The following RIF1 variants were observed in gnomAD, a reference collection of about 807,000 sequenced individuals.
RIF1 encodes telomere-associated protein RIF1.
Under a neutral mutation model 247.1 loss-of-function variants are expected in RIF1, and 45 were observed. That is an observed-to-expected ratio of 0.18 (90% CI 0.14 to 0.23). The LOEUF (loss-of-function observed/expected upper bound fraction) is 0.23. RIF1 is among the 10% of genes least tolerant of loss of function. RIF1 has a pLI of 1.00. For synonymous variants in RIF1, 1,087 were observed against 978.8 expected (o/e 1.11, Z -2.06); for missense variants, 2,967 against 2,862.5 (o/e 1.04, Z -0.83).
chr2:151,497,766 A>C, intron 10 of RIF1: 1 of 1,549,830 alleles, frequency 6.5e-7, no homozygotes, highest in Non-Finnish European at 8.7e-7. Flanking sequence ...GTAACATTTC[A>C]TTTCTTGGGA....
the RIF1 span, among the ~76,000 whole-genome samples, chr2:151,517,137 G>C: frequency 6.6e-6 from 1 of 152,132 alleles, no homozygotes; most frequent in South Asian, 2.1e-4. Flanking sequence ...CATATTGACT[G>C]ACTTGTTAAA....
rs771005255 is a variant in RIF1, at chr2:151,464,898, GTGTGAATTTTCA to G, written c.5380_5391del (p.Val1794_His1797del). Reference sequence around the variant, plus strand: ...GGACAATTTTTAGATGAACATCATAGTGTGAATTTTCATTTGGGTCTCAAAGAGGATAATGAT... The same window carrying G: ...GGACAATTTTTAGATGAACATCATAGTTTGGGTCTCAAAGAGGATAATGAT... On this transcript the variant is annotated inframe_deletion, in exon 30 of 36. Coordinates refer to ENST00000444746, the MANE Select transcript of RIF1 (RefSeq NM_018151.5). 10 of 1,583,030 alleles carry G rather than the reference GTGTGAATTTTCA, an allele frequency of 6.3e-6. No individual in the cohort carries two copies. The highest frequency in any genetic ancestry group is 8.5e-6 in the Non-Finnish European group (10 of 1,170,266).
chr2:151,446,111 A>G (rs150226444), intron 19 of RIF1, among the ~76,000 whole-genome samples: 4,538 of 151,932 alleles, frequency 0.03, 120 homozygotes, highest in East Asian at 0.14. Flanking sequence ...GGTTCAAGCA[A>G]TTCTCCTACC....
Position 151,478,034 on chromosome 2 carries a change from A to G in RIF1, c.*2963A>G, listed in dbSNP as rs1173436567. ...CATCATTTCCATATCTATGAAATCT[A>G]TTTTGGATTTTAGAGTGGATTTAAA... On this transcript the variant is annotated 3_prime_UTR_variant, in exon 36 of 36. Coordinates refer to ENST00000444746, the MANE Select transcript of RIF1 (RefSeq NM_018151.5). 6.6e-6 allele frequency: 1 copy of G among 152,192 alleles called. No individual in the cohort carries two copies. The highest frequency in any genetic ancestry group is 1.5e-5 in the Non-Finnish European group (1 of 68,030). 9.4% of individuals were successfully genotyped at this position (152,192 alleles called of 1,614,324 possible). A position where few individuals can be genotyped will look rare whatever the true frequency, so the allele number is the denominator to read the frequency against.
In RIF1 at chr2:151,464,655, C is replaced by A; in HGVS notation, c.5135C>A (p.Thr1712Asn). 3.1e-6 allele frequency: 5 copies of A among 1,613,244 alleles called. No homozygotes were observed. The South Asian group carries it at 4.4e-5, about 14-fold the overall frequency. Residue 1712 changes from threonine to asparagine, a missense_variant, in exon 30 of 36, where the codon ACT becomes AAT. Physicochemically the swap from Thr to Asn is moderately conservative, Grantham distance 65. This residue lies in a region of RIF1 where 2,028 missense variants were observed against 1,825.6 expected (regional missense o/e 1.11). Coordinates refer to ENST00000444746, the MANE Select transcript of RIF1 (RefSeq NM_018151.5). ...GATATTTCTTCGCTTTCAGAAAAAA[C>A]TTTTCAAACACTTGAATGCCAACAC... ...ISDISSLSEK[T>N]FQTLECQHKR... is the part of the protein sequence containing the mutation.
At chr2:151,462,648 A>AGTGT (rs112752759) in intron 29 of RIF1, among the ~76,000 whole-genome samples, 182 bp downstream of exon 29, 10,241 of 150,680 alleles carry the variant, frequency 0.068, 485 homozygotes, top group Non-Finnish European at 0.098. Flanking sequence ...GACACTAGTC[A>AGTGT]GTGTGTGTGT....
chr2:151,456,614 C>T lies in RIF1; in HGVS notation c.2646C>T (p.Asn882=). Residue 882 remains asparagine, a synonymous_variant, in exon 23 of 36, where the codon AAC becomes AAT. Transcript: ENST00000444746. Reference sequence around the variant, plus strand: ...TTCCTAAAGTATATAGTTGTCTGAACAACAAGGTAAAAATAGACAATTCTC... The same window carrying T: ...TTCCTAAAGTATATAGTTGTCTGAATAACAAGGTAAAAATAGACAATTCTC... ...DEVPKVYSCL[N]NKLEKLLGEI... The T allele has an allele frequency of 6.0e-6, 9 of 1,506,180 alleles. No individual in the cohort carries two copies. The highest frequency in any genetic ancestry group is 8.2e-6 in the Non-Finnish European group (9 of 1,095,216). 93.3% of individuals were successfully genotyped at this position (1,506,180 alleles called of 1,614,324 possible).
chr2:151,429,764 A>G (rs976991483), intron 9 of RIF1, among the ~76,000 whole-genome samples: 2 of 152,164 alleles, frequency 1.3e-5, no homozygotes, highest in African/African-American at 4.8e-5. Flanking sequence ...ATTTACTTTA[A>G]CCTTATCTTC....
chr2:151,420,081 C>T, intron 6 of RIF1, 109 bp from the exon 7 acceptor site: 2 of 871,920 alleles, frequency 2.3e-6, no homozygotes, highest in South Asian at 2.1e-5. Flanking sequence ...TGTATATATT[C>T]TAAAACAAAT....
chr2:151,431,601 A>C (rs918190561), intron 9 of RIF1, among the ~76,000 whole-genome samples: 5 of 152,164 alleles, frequency 3.3e-5, no homozygotes, highest in African/African-American at 1.2e-4. Flanking sequence ...CAGCCTGACC[A>C]ACATGGAGAA....
At position 151,443,306 on chromosome 2, in the gene RIF1, G is replaced by T; in HGVS notation, c.1782G>T (p.Leu594Phe). 6.3e-7 allele frequency: 1 copy of T among 1,599,930 alleles called. No individual in the cohort carries two copies. Among genetic ancestry groups the T allele is most frequent in the Middle Eastern group, 1.7e-4 (1 of 6,034 alleles). Residue 594 changes from leucine to phenylalanine, a missense_variant, in exon 17 of 36, where the codon TTG becomes TTT. By Grantham distance (22) the Leu-to-Phe change is conservative. Around this residue, in one of 7 missense-constraint regions of RIF1, gnomAD observed 369 missense variants for 322.0 expected, o/e 1.15. Transcript: ENST00000444746. ...FLIQLIFNNF[L>F]ECGVSDERFF... ...TTCAATTAATTTTCAACAATTTCTTGGAATGTGGTGTATCAGATGAAAGGT... is the reference window on the plus strand; with the variant it reads ...TTCAATTAATTTTCAACAATTTCTTTGAATGTGGTGTATCAGATGAAAGGT...
At chr2:151,484,440 A>G (rs1323129403), downstream of RIF1, among the ~76,000 whole-genome samples, 1 of 152,228 alleles carries the variant, frequency 6.6e-6, no homozygotes, top group Non-Finnish European at 1.5e-5. Context: ...TACTGAAAAT[A>G]CAAACATTAG....
chr2:151,474,827 TTTAA>T, intron 35 of RIF1, 26 bp from the exon 36 acceptor site: 1 of 1,281,768 alleles, frequency 7.8e-7, no homozygotes, highest in Non-Finnish European at 1.1e-6. Flanking sequence ...CTGGTATAGA[TTTAA>T]TTGTGGTTTT....
the RIF1 span, chr2:151,530,788 G>C: frequency 4.8e-6 from 2 of 419,178 alleles, no homozygotes; most frequent in East Asian, 7.4e-5. Flanking sequence ...TGAGCCCCAG[G>C]TGTCTGCCAG....
chr2:151,466,137 T>TAA lies in RIF1; in HGVS notation c.6600+19_6600+20dup. 1.4e-6 allele frequency: 2 copies of TAA among 1,461,992 alleles called. No homozygotes were observed. The highest frequency in any genetic ancestry group is 1.9e-6 in the Non-Finnish European group (2 of 1,069,982). 90.6% of individuals were successfully genotyped at this position (1,461,992 alleles called of 1,614,324 possible). A position where few individuals can be genotyped will look rare whatever the true frequency, so the allele number is the denominator to read the frequency against. ...GTTAATAAGGTAAGGGGAATGAGGC[T>TAA]AAATATTAAGGAACCCAGTATTTGG... On this transcript the variant is annotated intron_variant, in intron 30 of 35. Transcript: ENST00000444746.
Position 151,461,041 on chromosome 2 carries a change from T to C in RIF1, c.3076-97T>C, listed in dbSNP as rs1696077737. The C allele has an allele frequency of 2.7e-6, 3 of 1,118,078 alleles. No individual in the cohort carries two copies. The African/African-American group carries it at 4.7e-5, about 18-fold the overall frequency. 69.3% of individuals were successfully genotyped at this position (1,118,078 alleles called of 1,614,324 possible). A position where few individuals can be genotyped will look rare whatever the true frequency, so the allele number is the denominator to read the frequency against. On this transcript the variant is annotated intron_variant, in intron 26 of 35. Transcript: ENST00000444746. ...GTATCATCAACTTTCATAATCACTA[T>C]TGAAAAATGGTGTCATTATTAGAGG...
At chr2:151,516,854 G>A in the RIF1 span, among the ~76,000 whole-genome samples, 53 of 152,180 alleles carry the variant, frequency 3.5e-4, no homozygotes, top group Non-Finnish European at 6.9e-4. Flanking sequence ...GCAAGAAAAC[G>A]CATGGGGAAA....
intron 20 of RIF1, among the ~76,000 whole-genome samples, chr2:151,450,232 A>G (rs953994659): frequency 1.3e-5 from 2 of 151,522 alleles, no homozygotes; most frequent in Admixed American, 1.3e-4. Context: ...ATGTGTTGCT[A>G]TTTTATCATT....
At chr2:151,440,917 G>C (rs550088735) in intron 15 of RIF1, among the ~76,000 whole-genome samples, 2 of 152,284 alleles carry the variant, frequency 1.3e-5, no homozygotes, top group African/African-American at 4.8e-5. Flanking sequence ...ATCTGTTTCA[G>C]GTGACAGTGT....
Sources: allele counts gnomAD v4.1 joint callset (sites outside exome capture counted in the v4.1 genomes callset), GRCh38; gene constraint gnomAD v4.1.1; regional missense constraint gnomAD v4.1.1; transcripts MANE v1.5; gene names NCBI Gene and HGNC (gene_info 2026-07-23, HGNC 2026-07-21).